The following MACROD2 variants were observed in gnomAD, a reference collection of about 807,000 sequenced individuals.
MACROD2 encodes mono-ADP ribosylhydrolase 2, also known as ADP-ribose glycohydrolase MACROD2.
In MACROD2, 36 loss-of-function variants were observed where a neutral mutation model predicts 70.4. The observed-to-expected ratio is 0.51, with a 90% confidence interval of 0.39 to 0.68. MACROD2 has a LOEUF of 0.68. MACROD2 is among the 30% of genes least tolerant of loss of function. The pLI, the probability that MACROD2 is intolerant of heterozygous loss-of-function variation, is 0.00. For synonymous variants in MACROD2, 172 were observed against 178.8 expected (o/e 0.96, Z 0.30); for missense variants, 496 against 538.4 (o/e 0.92, Z 0.78).
intron 3 of MACROD2, among the ~76,000 whole-genome samples, chr20:14,336,250 TAGAC>T (rs1192307001): frequency 2.6e-5 from 4 of 152,178 alleles, no homozygotes; most frequent in Admixed American, 6.6e-5. Flanking sequence ...GATTTATTAA[TAGAC>T]AGATTTATTA....
chr20:14,333,295 C>T (rs543486080), intron 3 of MACROD2, among the ~76,000 whole-genome samples: 50 of 152,202 alleles, frequency 3.3e-4, no homozygotes, highest in African/African-American at 1.1e-3. Context: ...TTATTTTCCC[C>T]GGTACGTTTC....
chr20:14,952,601 T>A (rs1036857539), intron 5 of MACROD2, among the ~76,000 whole-genome samples: 2 of 152,202 alleles, frequency 1.3e-5, no homozygotes, highest in African/African-American at 4.8e-5. Context: ...CACATTAGTA[T>A]TGATTAAAAA....
chr20:14,625,952 A>G (rs1984125488), intron 4 of MACROD2, among the ~76,000 whole-genome samples: 1 of 152,084 alleles, frequency 6.6e-6, no homozygotes, highest in Non-Finnish European at 1.5e-5. Flanking sequence ...CCTGCTGAGT[A>G]GCTGGGATTA....
chr20:14,400,657 G>C (rs960060676), intron 3 of MACROD2, among the ~76,000 whole-genome samples: 1 of 152,148 alleles, frequency 6.6e-6, no homozygotes, highest in African/African-American at 2.4e-5. Flanking sequence ...TCTCCGGGCA[G>C]CAAGATGGGG....
chr20:15,036,804 G>A (rs1162110665), intron 5 of MACROD2, among the ~76,000 whole-genome samples: 2 of 151,812 alleles, frequency 1.3e-5, no homozygotes, highest in Admixed American at 6.6e-5. Flanking sequence ...TCATTAGCAC[G>A]AACTGTACAA....
At chr20:14,852,343 A>C (rs1424047756) in intron 5 of MACROD2, among the ~76,000 whole-genome samples, 1 of 152,152 alleles carries the variant, frequency 6.6e-6, no homozygotes, top group Non-Finnish European at 1.5e-5. Context: ...TCTGGGGGTC[A>C]CTGGTGACTA....
intron 7 of MACROD2, among the ~76,000 whole-genome samples, chr20:15,460,273 G>C (rs2046789697): frequency 6.6e-6 from 1 of 152,114 alleles, no homozygotes; most frequent in African/African-American, 2.4e-5. Context: ...ATTATTTCCT[G>C]TTTACTTCCT....
At chr20:15,089,504 A>T (rs1034708320) in intron 5 of MACROD2, among the ~76,000 whole-genome samples, 2 of 152,150 alleles carry the variant, frequency 1.3e-5, no homozygotes, top group African/African-American at 4.8e-5. Flanking sequence ...CTGTAAACTC[A>T]ACATGTCAAC....
intron 8 of MACROD2, among the ~76,000 whole-genome samples, chr20:15,720,455 G>A (rs533607158): frequency 2.6e-5 from 4 of 152,012 alleles, no homozygotes; most frequent in Non-Finnish European, 5.9e-5. Flanking sequence ...CTATCCTTCT[G>A]CCTTCTCTGC....
intron 6 of MACROD2, among the ~76,000 whole-genome samples, chr20:15,237,060 A>G (rs2145996921): frequency 6.6e-6 from 1 of 152,260 alleles, no homozygotes; most frequent in Middle Eastern, 3.4e-3. Context: ...GGATGTTGTG[A>G]CATGTGGTCT....
intron 6 of MACROD2, among the ~76,000 whole-genome samples, chr20:15,420,896 G>T (rs928184156): frequency 1.3e-5 from 2 of 152,266 alleles, no homozygotes. Context: ...GACTAGCCTA[G>T]ATAGCATAGT....
chr20:14,134,575 G>A (rs979146168), intron 3 of MACROD2, among the ~76,000 whole-genome samples: 1 of 152,076 alleles, frequency 6.6e-6, no homozygotes, highest in Admixed American at 6.5e-5. Flanking sequence ...GGGAGGCCGA[G>A]GCGGACAAAT....
rs553054789 is a variant in MACROD2, at chr20:15,852,136, G to A, written c.646-10609G>A. On this transcript the variant is annotated intron_variant, in intron 8 of 17. Transcript: ENST00000684519. ...CATATGGAGCAGCTTCAAGGACCAC[G>A]ACAGATGTGTCGTTTGTGAAATTTT... Among the ~76,000 whole-genome samples the A allele has an allele frequency of 5.4e-4, 82 of 152,296 alleles. No homozygotes were observed. In the South Asian group the frequency reaches 0.011, roughly 21 times the overall value.
intron 8 of MACROD2, among the ~76,000 whole-genome samples, chr20:15,653,473 T>C (rs2049677909): frequency 6.6e-6 from 1 of 152,222 alleles, no homozygotes; most frequent in Non-Finnish European, 1.5e-5. Flanking sequence ...TCAGTCTGAA[T>C]GTGCAGCAAT....
At chr20:15,242,814 G>A (rs2077071409) in intron 6 of MACROD2, among the ~76,000 whole-genome samples, 1 of 152,116 alleles carries the variant, frequency 6.6e-6, no homozygotes, top group Non-Finnish European at 1.5e-5. Context: ...ACTTTGCCAA[G>A]TTTTCAGGTT....
At chr20:15,970,688 G>A (rs1017939315) in intron 13 of MACROD2, among the ~76,000 whole-genome samples, 14 of 152,152 alleles carry the variant, frequency 9.2e-5, no homozygotes, top group Non-Finnish European at 1.5e-5. Flanking sequence ...CTACAGAGAA[G>A]AGAGCTCCAC....
At chr20:15,865,229 A>G (rs931327018) in intron 9 of MACROD2, among the ~76,000 whole-genome samples, 33 of 152,156 alleles carry the variant, frequency 2.2e-4, no homozygotes, top group Non-Finnish European at 4.6e-4. Flanking sequence ...GGAATCTGAG[A>G]CACAATGCAT....
intron 3 of MACROD2, among the ~76,000 whole-genome samples, chr20:14,285,626 A>G (rs968260626): frequency 6.6e-6 from 1 of 152,090 alleles, no homozygotes; most frequent in African/African-American, 2.4e-5. Flanking sequence ...AGAAAAAAAA[A>G]AAACTTGAGG....
intron 8 of MACROD2, among the ~76,000 whole-genome samples, chr20:15,771,037 T>C (rs1032477168): frequency 1.3e-5 from 2 of 152,094 alleles, no homozygotes; most frequent in African/African-American, 2.4e-5. Context: ...ATAATCCAAT[T>C]TTCCACATTC....
Sources: gnomAD v4.1 joint callset for allele counts (sites outside exome capture counted in the v4.1 genomes callset) on GRCh38, gnomAD v4.1.1 for gene constraint, MANE v1.5 for transcripts, NCBI Gene and HGNC (gene_info 2026-07-23, HGNC 2026-07-21) for gene names.